FOXN3: variants seen among roughly 807,000 people sequenced by gnomAD.
FOXN3 encodes forkhead box N3.
A neutral mutation model predicts 38.4 loss-of-function variants in FOXN3; 7 were observed. The observed-to-expected ratio is 0.18, with a 90% CI of 0.10 to 0.34. The LOEUF is 0.34. Ranked by LOEUF, FOXN3 falls within the 10% of genes least tolerant of loss-of-function variation. The pLI, the probability that FOXN3 is intolerant of heterozygous loss-of-function variation, is 1.00. For missense variants in FOXN3, 456 were observed against 613.4 expected (o/e 0.74, Z 2.71); for synonymous variants, 230 against 242.2 (o/e 0.95, Z 0.47).
chr14:89,486,311 G>A (rs1373616976), intron 1 of FOXN3, among the ~76,000 whole-genome samples: 3 of 152,212 alleles, frequency 2.0e-5, no homozygotes, highest in Admixed American at 1.3e-4. Flanking sequence ...GTATTTCTAC[G>A]ACTCACACCA....
intron 1 of FOXN3, among the ~76,000 whole-genome samples, chr14:89,476,002 C>T (rs192960689): frequency 1.8e-4 from 27 of 152,208 alleles, no homozygotes; most frequent in African/African-American, 6.5e-4. Flanking sequence ...AACTATGTAT[C>T]GCTGTGAGAT....
chr14:89,200,698 G>A (rs148305815), intron 4 of FOXN3, among the ~76,000 whole-genome samples: 33 of 152,210 alleles, frequency 2.2e-4, no homozygotes, highest in African/African-American at 7.2e-4. Flanking sequence ...CGAGGTCTGC[G>A]TCACATTGCC....
chr14:89,540,874 G>A (rs948044547), intron 1 of FOXN3, among the ~76,000 whole-genome samples: 5 of 152,110 alleles, frequency 3.3e-5, no homozygotes, highest in East Asian at 1.9e-4. Context: ...GACTCAGATC[G>A]GGTCTTAAAA....
At chr14:89,313,430 T>C (rs1887625797) in intron 3 of FOXN3, among the ~76,000 whole-genome samples, 1 of 152,030 alleles carries the variant, frequency 6.6e-6, no homozygotes, top group Non-Finnish European at 1.5e-5. Context: ...TGGTGGCGCA[T>C]GCCCGTAATC....
At chr14:89,509,851 C>T (rs1162767296) in intron 1 of FOXN3, among the ~76,000 whole-genome samples, 1 of 152,242 alleles carries the variant, frequency 6.6e-6, no homozygotes, top group Non-Finnish European at 1.5e-5. Context: ...TAGTTTTAAT[C>T]TGAATAAATG....
chr14:89,323,370 G>A (rs1887950568), intron 3 of FOXN3, among the ~76,000 whole-genome samples: 1 of 151,930 alleles, frequency 6.6e-6, no homozygotes, highest in Non-Finnish European at 1.5e-5. Flanking sequence ...GTTAGGGTAG[G>A]TGTCTTTGAG....
At chr14:89,293,029 C>T (rs566905549) in intron 3 of FOXN3, among the ~76,000 whole-genome samples, 1 of 152,230 alleles carries the variant, frequency 6.6e-6, no homozygotes, top group Admixed American at 6.5e-5. Context: ...CCATGCTCGG[C>T]CCCACCATCA....
At chr14:89,377,977 G>C (rs957816476) in intron 2 of FOXN3, among the ~76,000 whole-genome samples, 2 of 152,224 alleles carry the variant, frequency 1.3e-5, no homozygotes, top group Non-Finnish European at 2.9e-5. Flanking sequence ...TGCAAGCCAA[G>C]AAGAGAGGCC....
chr14:89,492,686 T>C (rs1434592654), intron 1 of FOXN3, among the ~76,000 whole-genome samples: 1 of 152,176 alleles, frequency 6.6e-6, no homozygotes, highest in Non-Finnish European at 1.5e-5. Flanking sequence ...CACTCTGGCC[T>C]GGGCGACAAA....
chr14:89,464,703 T>A (rs1342273529), intron 1 of FOXN3, among the ~76,000 whole-genome samples: 1 of 151,812 alleles, frequency 6.6e-6, no homozygotes, highest in Non-Finnish European at 1.5e-5. Context: ...TTTGTTTTGT[T>A]TTGTTTTGTT....
rs999975247 is a variant in FOXN3, at chr14:89,268,207, G to A, written c.745+12743C>T. Among the ~76,000 whole-genome samples, 14 of 152,308 alleles carry A rather than the reference G, an allele frequency of 9.2e-5. No individual in the cohort carries two copies. In the South Asian group the frequency reaches 1.2e-3, roughly 14 times the overall value. On this transcript the variant is annotated intron_variant, in intron 4 of 5. Coordinates refer to ENST00000557258, the MANE Select transcript of FOXN3 (RefSeq NM_005197.4). ...ACCACCTACCTCTCAAGAAGTAAGT[G>A]AAATTACATGTAAGCCAGGTCTCTG...
chr14:89,578,914 T>C (rs243199), intron 1 of FOXN3, among the ~76,000 whole-genome samples: 136,904 of 152,264 alleles, frequency 0.9, 61,966 homozygotes, highest in African/African-American at 0.96. Context: ...GTGGCACTAT[T>C]ACAGCTCACT....
At chr14:89,580,910 T>C (rs1159074969) in intron 1 of FOXN3, among the ~76,000 whole-genome samples, 1 of 151,934 alleles carries the variant, frequency 6.6e-6, no homozygotes, top group African/African-American at 2.4e-5. Flanking sequence ...TGGCCAGGTG[T>C]GTTGGCTCAT....
At chr14:89,549,065 G>A (rs1172166617) in intron 1 of FOXN3, among the ~76,000 whole-genome samples, 2 of 151,434 alleles carry the variant, frequency 1.3e-5, no homozygotes, top group Non-Finnish European at 1.5e-5. Flanking sequence ...GTTGTAGTGA[G>A]CTGAGATCAT....
At chr14:89,592,262 G>C (rs917429830) in intron 1 of FOXN3, among the ~76,000 whole-genome samples, 1 of 152,166 alleles carries the variant, frequency 6.6e-6, no homozygotes, top group Non-Finnish European at 1.5e-5. Flanking sequence ...TCTAAGTATT[G>C]AGAGATAATT....
chr14:89,525,212 A>G (rs412919), intron 1 of FOXN3, among the ~76,000 whole-genome samples: 58,851 of 151,782 alleles, frequency 0.39, 11,822 homozygotes, highest in East Asian at 0.6. Flanking sequence ...ACAGGCGGTC[A>G]GCACAAGATA....
chr14:89,552,196 G>A (rs1241271373), intron 1 of FOXN3, among the ~76,000 whole-genome samples: 1 of 152,162 alleles, frequency 6.6e-6, no homozygotes, highest in Non-Finnish European at 1.5e-5. Flanking sequence ...AAGAGCATCT[G>A]AAAAATCACT....
At chr14:89,558,937 A>T (rs1280046599) in intron 1 of FOXN3, among the ~76,000 whole-genome samples, 1 of 152,160 alleles carries the variant, frequency 6.6e-6, no homozygotes, top group Admixed American at 6.5e-5. Flanking sequence ...TCTTAATATG[A>T]AACTTCTTCT....
chr14:89,258,076 C>T (rs1885681900), intron 4 of FOXN3, among the ~76,000 whole-genome samples: 1 of 152,142 alleles, frequency 6.6e-6, no homozygotes, highest in African/African-American at 2.4e-5. Flanking sequence ...TACACACACA[C>T]ACACACGCAC....
Sources: allele counts gnomAD v4.1 joint callset (sites outside exome capture counted in the v4.1 genomes callset), GRCh38; gene constraint gnomAD v4.1.1; transcripts MANE v1.5; gene names NCBI Gene and HGNC (gene_info 2026-07-23, HGNC 2026-07-21).